The following CR1L variants were observed in gnomAD, a reference collection of about 807,000 sequenced individuals.
CR1L encodes complement component receptor 1-like protein.
Under a neutral mutation model 62.3 loss-of-function variants are expected in CR1L, and 59 were observed. That is an observed-to-expected ratio of 0.95 (90% CI 0.77 to 1.18). The LOEUF (loss-of-function observed/expected upper bound fraction) is 1.18. Among genes scored for constraint, CR1L ranks in the 50% most tolerant of loss-of-function variants. CR1L has a pLI of 0.00. For synonymous variants in CR1L, 279 were observed against 248.7 expected (o/e 1.12, Z -1.15); for missense variants, 700 against 702.8 (o/e 1.00, Z 0.04).
intron 10 of CR1L, chr1:207,715,443 GT>G: frequency 8.0e-7 from 1 of 1,256,274 alleles, no homozygotes; most frequent in Non-Finnish European, 1.1e-6. Context: ...CCTTATTTTT[GT>G]TTTCCAGTGT....
chr1:207,690,133 ACTTT>A (rs1443783975), intron 4 of CR1L, among the ~76,000 whole-genome samples: 3 of 151,712 alleles, frequency 2.0e-5, no homozygotes, highest in African/African-American at 7.3e-5. Flanking sequence ...ATTTTCTTCT[ACTTT>A]CTTTAAGCTT....
At chr1:207,684,466 G>A (rs1433136828) in intron 4 of CR1L, among the ~76,000 whole-genome samples, 2 of 151,996 alleles carry the variant, frequency 1.3e-5, no homozygotes, top group African/African-American at 2.4e-5. Context: ...AAAGCAGTTT[G>A]GTATAAACTT....
At chr1:207,687,817 C>T (rs1243828601) in intron 4 of CR1L, among the ~76,000 whole-genome samples, 3 of 152,114 alleles carry the variant, frequency 2.0e-5, no homozygotes, top group Admixed American at 6.6e-5. Context: ...TTTAAATATT[C>T]TCTTGTTTTC....
At chr1:207,700,229 C>G (rs1251341191) in intron 8 of CR1L, among the ~76,000 whole-genome samples, 2 of 152,118 alleles carry the variant, frequency 1.3e-5, no homozygotes, top group Admixed American at 1.3e-4. Flanking sequence ...GGACATCTTA[C>G]AGTGCTTTTT....
chr1:207,661,670 G>A (rs1663426539), intron 1 of CR1L, among the ~76,000 whole-genome samples: 1 of 152,150 alleles, frequency 6.6e-6, no homozygotes, highest in African/African-American at 2.4e-5. Context: ...TGTTATGTGT[G>A]AATTTGATCC....
chr1:207,662,717 A>G (rs6685242), intron 1 of CR1L, among the ~76,000 whole-genome samples: 71,930 of 151,930 alleles, frequency 0.47, 17,561 homozygotes, highest in African/African-American at 0.59. Context: ...GAGGAGGAGA[A>G]GCGCTCTGAT....
chr1:207,701,385 C>T (rs1275648932), intron 8 of CR1L, 134 bp from the exon 9 acceptor site: 6 of 1,172,856 alleles, frequency 5.1e-6, no homozygotes, highest in Non-Finnish European at 6.2e-6. Flanking sequence ...GATGAGTTTT[C>T]TCAAGGTGCC....
At chr1:207,683,448 A>C (rs1474481384) in intron 3 of CR1L, among the ~76,000 whole-genome samples, 1 of 152,042 alleles carries the variant, frequency 6.6e-6, no homozygotes, top group Non-Finnish European at 1.5e-5. Context: ...ACTTAGATGA[A>C]TCTTACTGAT....
At chr1:207,697,120 G>T (rs1853527) in intron 5 of CR1L, among the ~76,000 whole-genome samples, 75,180 of 152,024 alleles carry the variant, frequency 0.49, 18,846 homozygotes, top group East Asian at 0.64. Flanking sequence ...AATGCAAGAC[G>T]AAATTGGTGA....
chr1:207,658,170 G>C (rs1465519900), intron 1 of CR1L, among the ~76,000 whole-genome samples: 1 of 151,134 alleles, frequency 6.6e-6, no homozygotes, highest in Non-Finnish European at 1.5e-5. Context: ...ACTTACGTTA[G>C]AAAAAAAAGA....
At chr1:207,667,253 ATTC>A (rs1335369648) in intron 1 of CR1L, among the ~76,000 whole-genome samples, 1 of 152,198 alleles carries the variant, frequency 6.6e-6, no homozygotes, top group African/African-American at 2.4e-5. Flanking sequence ...ACACAAATCT[ATTC>A]TTTCACATTT....
intron 1 of CR1L, among the ~76,000 whole-genome samples, chr1:207,676,905 C>A (rs1378125136): frequency 6.6e-6 from 1 of 152,182 alleles, no homozygotes; most frequent in African/African-American, 2.4e-5. Flanking sequence ...ACCCACCCAC[C>A]TTGGTCTCCC....
At position 207,645,156 on chromosome 1, in the gene CR1L, G is replaced by T; in HGVS notation, c.-78G>T. On this transcript the variant is annotated 5_prime_UTR_variant, in exon 1 of 12. Transcript: ENST00000508064. ...TTGTTGTGTCCACTAACCGGACTCA[G>T]AAGGGACTTCCCTGCTCGGCTGGCT... The T allele has an allele frequency of 6.9e-7, 1 of 1,450,656 alleles. No individual in the cohort carries two copies. Among genetic ancestry groups the T allele is most frequent in the East Asian group, 2.3e-5 (1 of 44,006 alleles). 89.9% of individuals were successfully genotyped at this position (1,450,656 alleles called of 1,614,324 possible). A position where few individuals can be genotyped will look rare whatever the true frequency, so the allele number is the denominator to read the frequency against.
chr1:207,681,803 C>A (rs1008871353), intron 3 of CR1L, among the ~76,000 whole-genome samples: 1 of 152,130 alleles, frequency 6.6e-6, no homozygotes, highest in African/African-American at 2.4e-5. Context: ...GAAGGAGGTA[C>A]AAATATAGGA....
At chr1:207,718,508 G>A (rs959115280) in intron 11 of CR1L, among the ~76,000 whole-genome samples, 1 of 152,082 alleles carries the variant, frequency 6.6e-6, no homozygotes, top group African/African-American at 2.4e-5. Context: ...TGCAACCCCC[G>A]CCTCCTGGGT....
intron 3 of CR1L, 38 bp downstream of exon 3, chr1:207,678,335 A>G: frequency 6.4e-7 from 1 of 1,560,462 alleles, no homozygotes; most frequent in African/African-American, 1.4e-5. Flanking sequence ...CTCTTGGTTC[A>G]AGGGTTCTAA....
intron 10 of CR1L, chr1:207,710,668 A>C: frequency 6.2e-7 from 1 of 1,610,104 alleles, no homozygotes; most frequent in East Asian, 2.2e-5. Context: ...TATTTTCCTT[A>C]AATGAAGTTG....
chr1:207,666,319 T>C (rs909688160), intron 1 of CR1L, among the ~76,000 whole-genome samples: 1 of 152,214 alleles, frequency 6.6e-6, no homozygotes, highest in Non-Finnish European at 1.5e-5. Context: ...GTGATTTACT[T>C]ATGCATTACA....
chr1:207,670,289 A>G (rs1408623863), intron 1 of CR1L, among the ~76,000 whole-genome samples: 1 of 151,224 alleles, frequency 6.6e-6, no homozygotes, highest in Non-Finnish European at 1.5e-5. Context: ...GGATTAGAAG[A>G]GCAAGGGAAG....
Sources: allele counts gnomAD v4.1 joint callset (sites outside exome capture counted in the v4.1 genomes callset), GRCh38; gene constraint gnomAD v4.1.1; transcripts MANE v1.5; gene names NCBI Gene and HGNC (gene_info 2026-07-23, HGNC 2026-07-21).